DLG5: variants seen among roughly 807,000 people sequenced by gnomAD.
DLG5 encodes disks large homolog 5.
DLG5 carries 48 observed loss-of-function variants against 189.8 expected under a neutral mutation model. The ratio of observed to expected loss-of-function variants is 0.25; its 90% CI spans 0.20 to 0.32. The LOEUF is 0.32. DLG5 is among the 10% of genes least tolerant of loss of function. The probability of loss-of-function intolerance (pLI) is 1.00; values close to 1 mark genes in which losing one functional copy is unlikely to be tolerated. For synonymous variants in DLG5, 1,016 were observed against 1,054.1 expected (o/e 0.96, Z 0.70); for missense variants, 2,160 against 2,544.7 (o/e 0.85, Z 3.25).
chr10:77,822,789 G>A (rs1842436638), intron 14 of DLG5, among the ~76,000 whole-genome samples: 2 of 152,066 alleles, frequency 1.3e-5, no homozygotes, highest in South Asian at 4.1e-4. Context: ...CTGAAACAAC[G>A]TGCAGGAACC....
chr10:77,890,554 C>T (rs542984840), intron 1 of DLG5, among the ~76,000 whole-genome samples: 11 of 152,302 alleles, frequency 7.2e-5, no homozygotes, highest in East Asian at 1.9e-4. Context: ...CGGTGGTTCA[C>T]GCCTGTAATC....
rs757044517 is a variant in DLG5 at position 77,821,450 on chromosome 10, G to T, written c.3034C>A (p.Pro1012Thr). ...QPSKRAGPLT[P>T]PKPPRRSDSI... Reference sequence around the variant, plus strand: ...TCGCTCCTTCTGGGAGGTTTTGGGGGTGTCAGAGGCCCCGCCCTCTTGGAG... The same window carrying T: ...TCGCTCCTTCTGGGAGGTTTTGGGGTTGTCAGAGGCCCCGCCCTCTTGGAG... Residue 1012 changes from proline to threonine, a missense_variant, in exon 15 of 32, where the codon CCC (proline) becomes ACC (threonine). Physicochemically the swap from Pro to Thr is conservative, Grantham distance 38. Around this residue, in one of 5 missense-constraint regions of DLG5, gnomAD observed 754 missense variants for 746.5 expected, o/e 1.01. Coordinates refer to ENST00000372391, the MANE Select transcript of DLG5 (RefSeq NM_004747.4). 14 of 1,612,776 alleles carry T rather than the reference G, an allele frequency of 8.7e-6. No homozygotes were observed. In the South Asian group the frequency reaches 1.3e-4, roughly 15 times the overall value.
intron 1 of DLG5, among the ~76,000 whole-genome samples, chr10:77,905,341 C>T (rs561764836): frequency 1.3e-5 from 2 of 152,180 alleles, no homozygotes; most frequent in East Asian, 1.9e-4. Context: ...TCAATAAACA[C>T]GTGGAATGGA....
chr10:77,805,514 GC>G (rs1841422160), intron 27 of DLG5, 150 bp downstream of exon 27: 1 of 817,930 alleles, frequency 1.2e-6, no homozygotes, highest in Non-Finnish European at 1.9e-6. Context: ...GAAGATGGCA[GC>G]ACCCCCCGAC....
intron 14 of DLG5, 106 bp downstream of exon 14, chr10:77,824,278 C>T (rs1490237926): frequency 4.8e-6 from 4 of 835,018 alleles, no homozygotes; most frequent in Non-Finnish European, 7.6e-6. Flanking sequence ...TAAATGCCCA[C>T]CCTGTTCTCA....
rs954929064 is a variant in DLG5, at chr10:77,926,181, C to A, written c.304+36G>T. The A allele has an allele frequency of 2.2e-6, 3 of 1,343,020 alleles. No individual in the cohort carries two copies. In the African/African-American group the frequency reaches 4.5e-5, roughly 20 times the overall value. 83.2% of individuals were successfully genotyped at this position (1,343,020 alleles called of 1,614,324 possible). A position where few individuals can be genotyped will look rare whatever the true frequency, so the allele number is the denominator to read the frequency against. On this transcript the variant is annotated intron_variant, in intron 1 of 31. Transcript: ENST00000372391. This position sits in a 1 kb window ranked among gnomAD's most constrained non-coding sequence, Gnocchi z 5.2. ...CAGCAGGAGGGAGAAGCGGAGGGCG[C>A]GTCCCAGAGGCGGGGGCCAAGGGTC...
intron 5 of DLG5, chr10:77,845,188 G>T (rs976462045): frequency 2.0e-5 from 3 of 152,206 alleles, no homozygotes; most frequent in African/African-American, 7.2e-5. Context: ...TTGCCAGGGG[G>T]GCTGCTGGCT....
At chr10:77,910,296 A>G (rs943306624) in intron 1 of DLG5, among the ~76,000 whole-genome samples, 7 of 152,264 alleles carry the variant, frequency 4.6e-5, no homozygotes, top group African/African-American at 1.7e-4. Context: ...CTAGCCTCTC[A>G]GCAGCTGATG....
At chr10:77,939,626 C>G in the DLG5 span, among the ~76,000 whole-genome samples, 1 of 152,208 alleles carries the variant, frequency 6.6e-6, no homozygotes, top group African/African-American at 2.4e-5. Context: ...TAAAACAACT[C>G]CCCACAGGTG....
intron 22 of DLG5, 45 bp from the exon 23 acceptor site, chr10:77,811,279 C>T (rs1193858892): frequency 1.3e-6 from 2 of 1,581,932 alleles, no homozygotes; most frequent in Admixed American, 1.7e-5. Context: ...ACGAAGCCAC[C>T]CAGAGCCACC....
In DLG5 at chr10:77,856,816, G is replaced by A. The variant is rs1844256106; in HGVS notation, c.450C>T (p.Ser150=). The A allele has an allele frequency of 1.2e-6, 2 of 1,613,256 alleles. No individual in the cohort carries two copies. The highest frequency in any genetic ancestry group is 8.5e-7 in the Non-Finnish European group (1 of 1,180,022). Residue 150 remains serine, a synonymous_variant, in exon 3 of 32, where the codon TCC becomes TCT. Transcript: ENST00000372391. ...QQVNEKVENL[S]IQLRLMTRER... is the part of the protein sequence containing the mutation. Reference sequence around the variant, plus strand: ...CCCGGGTCATCAGCCGCAGCTGAATGGAGAGGTTCTCCACCTTCTCATTCA... The same window carrying A: ...CCCGGGTCATCAGCCGCAGCTGAATAGAGAGGTTCTCCACCTTCTCATTCA...
upstream of DLG5, among the ~76,000 whole-genome samples, chr10:77,930,814 ATTTTTTT>A (rs35563477): frequency 3.8e-3 from 347 of 91,630 alleles, 1 homozygote; most frequent in Non-Finnish European, 5.1e-3. Flanking sequence ...CACCTGGCTA[ATTTTTTT>A]TTTTTTTTTT....
At chr10:77,826,442 A>G (rs559129277) in intron 13 of DLG5, among the ~76,000 whole-genome samples, 4 of 152,226 alleles carry the variant, frequency 2.6e-5, no homozygotes, top group South Asian at 2.1e-4. Context: ...CCTGGGCAAC[A>G]TGGTGAAACC....
chr10:77,819,361 G>C lies in DLG5; in HGVS notation c.3631C>G (p.Pro1211Ala). 1 of 1,614,122 alleles carries C rather than the reference G, an allele frequency of 6.2e-7. No homozygotes were observed. The highest frequency in any genetic ancestry group is 1.1e-5 in the South Asian group (1 of 91,084). Reference protein sequence around the residue: ...SHRVGPCSSPPAARDAGPQGL... With the variant: ...SHRVGPCSSPAAARDAGPQGL... ...TGGGGGCCAGCATCTCGGGCCGCAG[G>C]TGGAGAGCTGCAGGGGCCGACCCTG... Residue 1211 changes from proline (P) to alanine (A), a missense_variant, in exon 17 of 32, where the codon CCT (proline) becomes GCT (alanine). Pro to Ala is a conservative substitution (Grantham distance 27). Around this residue, in one of 5 missense-constraint regions of DLG5, gnomAD observed 754 missense variants for 746.5 expected, o/e 1.01. Transcript: ENST00000372391.
In DLG5 at chr10:77,926,371, G is replaced by A; in HGVS notation, c.150C>T (p.Gly50=). ...GCTTGAGCAGCAGCTCCGCCTTGGC[G>A]CCTCCCGCCTCCTCGTCCAGCTGCC... The part of the protein sequence containing the change: ...ERRQLDEEAG[G]AKAELLLKLL... The change falls in exon 1 of 32, where the codon GGC becomes GGT. Residue 50 remains glycine, a synonymous_variant. Transcript: ENST00000372391. This position sits in a 1 kb window ranked among gnomAD's most constrained non-coding sequence, Gnocchi z 5.2. 2 of 1,597,548 alleles carry A rather than the reference G, an allele frequency of 1.3e-6. No individual in the cohort carries two copies. Among genetic ancestry groups the A allele is most frequent in the Non-Finnish European group, 1.7e-6 (2 of 1,174,106 alleles).
chr10:77,938,164 C>T, the DLG5 span, among the ~76,000 whole-genome samples: 2 of 152,018 alleles, frequency 1.3e-5, no homozygotes, highest in African/African-American at 2.4e-5. Context: ...TTTGTTGAGG[C>T]AGGGCATGGT....
intron 1 of DLG5, among the ~76,000 whole-genome samples, chr10:77,881,123 C>T (rs535290227): frequency 6.6e-6 from 1 of 151,962 alleles, no homozygotes; most frequent in Non-Finnish European, 1.5e-5. Context: ...CAGGCATGTG[C>T]CTCTGTGCCT....
chr10:77,794,805 C>T, intron 30 of DLG5, 44 bp downstream of exon 30: 4 of 1,557,440 alleles, frequency 2.6e-6, no homozygotes, highest in Non-Finnish European at 3.5e-6. Flanking sequence ...CCCAGCCCCA[C>T]CTGTGACAAG....
rs769972568 is a variant in DLG5, at chr10:77,805,825, A to C, written c.5004T>G (p.Ser1668=). The C allele has an allele frequency of 2.5e-6, 4 of 1,613,946 alleles. No individual in the cohort carries two copies. In the African/African-American group the frequency reaches 5.3e-5, roughly 22 times the overall value. ...TGGCGCTATTGTCATCTTTGACTTCAGACATGCTGAGCCTCCTGGAGAATT... is the reference window on the plus strand; with the variant it reads ...TGGCGCTATTGTCATCTTTGACTTCCGACATGCTGAGCCTCCTGGAGAATT... The part of the protein sequence containing the change: ...DQEFSRRLSM[S]EVKDDNSATK... The change falls in exon 27 of 32, where the codon TCT becomes TCG. Residue 1668 remains serine, a synonymous_variant. Transcript: ENST00000372391.
Sources: allele counts gnomAD v4.1 joint callset (sites outside exome capture counted in the v4.1 genomes callset), GRCh38; gene constraint gnomAD v4.1.1; regional missense constraint gnomAD v4.1.1; non-coding constraint Gnocchi (gnomAD v3.1); transcripts MANE v1.5; gene names NCBI Gene and HGNC (gene_info 2026-07-23, HGNC 2026-07-21).